STX8: variants seen among roughly 807,000 people sequenced by gnomAD.
STX8 encodes syntaxin-8.
A neutral mutation model predicts 37.5 loss-of-function variants in STX8; 23 were observed. The ratio of observed to expected loss-of-function variants is 0.61; its 90% CI spans 0.44 to 0.87. The LOEUF (loss-of-function observed/expected upper bound fraction) is 0.87. Ranked by LOEUF, STX8 falls within the 40% of genes least tolerant of loss-of-function variation. The probability of loss-of-function intolerance (pLI) is 0.00; values close to 1 mark genes in which losing one functional copy is unlikely to be tolerated. For synonymous variants in STX8, 115 were observed against 99.1 expected (o/e 1.16, Z -0.95); for missense variants, 313 against 284.7 (o/e 1.10, Z -0.71).
chr17:9,430,058 T>TAATATATATATTCTATAG (rs1913886071), intron 6 of STX8, among the ~76,000 whole-genome samples: 2 of 37,602 alleles, frequency 5.3e-5, no homozygotes, highest in African/African-American at 1.9e-4. Context: ...ATATTCTATA[T>TAATATATATATTCTATAG]AATATATATA....
At chr17:9,395,830 T>C (rs1403985665) in intron 6 of STX8, among the ~76,000 whole-genome samples, 2 of 152,172 alleles carry the variant, frequency 1.3e-5, no homozygotes, top group Non-Finnish European at 2.9e-5. Flanking sequence ...TGGAATTGTA[T>C]AGCCAGACAC....
chr17:9,434,116 G>A (rs997261476), intron 6 of STX8, among the ~76,000 whole-genome samples: 3 of 152,130 alleles, frequency 2.0e-5, no homozygotes, highest in African/African-American at 7.2e-5. Context: ...CAATTCTCCT[G>A]CCTCAGCCTC....
At chr17:9,400,839 G>A (rs185066542) in intron 6 of STX8, among the ~76,000 whole-genome samples, 1 of 152,156 alleles carries the variant, frequency 6.6e-6, no homozygotes, top group Non-Finnish European at 1.5e-5. Flanking sequence ...TTCAAGTCTT[G>A]GATCAGAATA....
chr17:9,484,477 T>C (rs1020799114), intron 6 of STX8, among the ~76,000 whole-genome samples: 2 of 151,150 alleles, frequency 1.3e-5, no homozygotes, highest in Non-Finnish European at 2.9e-5. Flanking sequence ...GAACAGTAAT[T>C]GGCAGGAGGG....
Position 9,548,823 on chromosome 17 carries a change from TA to T in STX8, c.213-3542del, listed in dbSNP as rs199661465. 2.8e-4 allele frequency among the ~76,000 whole-genome samples: 43 copies of T among 151,314 alleles called. 1 individual carries two copies. The highest frequency in any genetic ancestry group is 5.9e-4 in the Admixed American group (9 of 15,200). ...AGTGAGTAGTGTGCTCCCACTTTGT[TA>T]AAAAAAAATCCTAACTATATATGTG... On this transcript the variant is annotated intron_variant, in intron 3 of 7. Coordinates refer to ENST00000306357, the MANE Select transcript of STX8 (RefSeq NM_004853.3).
chr17:9,496,748 T>C (rs1239687071), intron 5 of STX8, among the ~76,000 whole-genome samples: 1 of 152,136 alleles, frequency 6.6e-6, no homozygotes, highest in Non-Finnish European at 1.5e-5. Flanking sequence ...GCAGAGAACC[T>C]TTCCCAGCTG....
intron 7 of STX8, among the ~76,000 whole-genome samples, chr17:9,262,707 G>A (rs184095376): frequency 2.0e-4 from 31 of 151,804 alleles, no homozygotes; most frequent in Non-Finnish European, 2.9e-4. Flanking sequence ...TCAGCCTCCC[G>A]AGTAGCTGGG....
intron 7 of STX8, among the ~76,000 whole-genome samples, chr17:9,375,921 GGCTCTAGA>G (rs1272135415): frequency 6.6e-6 from 1 of 152,188 alleles, no homozygotes; most frequent in Admixed American, 6.5e-5. Flanking sequence ...TGTGAGGCCA[GGCTCTAGA>G]GCTCACTCTC....
chr17:9,570,156 A>G (rs1260478159), intron 1 of STX8, among the ~76,000 whole-genome samples: 1 of 152,066 alleles, frequency 6.6e-6, no homozygotes, highest in Non-Finnish European at 1.5e-5. Flanking sequence ...ATTTTTTAAA[A>G]CCTTTCAATT....
intron 6 of STX8, among the ~76,000 whole-genome samples, chr17:9,488,890 G>T (rs1906729324): frequency 6.6e-6 from 1 of 151,890 alleles, no homozygotes; most frequent in South Asian, 2.1e-4. Context: ...GTGTGTGTGT[G>T]TTTTGAGACA....
At chr17:9,477,221 T>C (rs1328795055) in intron 6 of STX8, among the ~76,000 whole-genome samples, 1 of 152,142 alleles carries the variant, frequency 6.6e-6, no homozygotes, top group African/African-American at 2.4e-5. Context: ...AGTGGCCCCA[T>C]TTAAACCTAA....
chr17:9,423,623 C>G (rs541924233), intron 6 of STX8, among the ~76,000 whole-genome samples: 43 of 152,274 alleles, frequency 2.8e-4, no homozygotes, highest in Non-Finnish European at 5.3e-4. Flanking sequence ...CGTGCCCGGC[C>G]AAATGTTATG....
At chr17:9,277,408 G>A (rs1056779142) in intron 7 of STX8, among the ~76,000 whole-genome samples, 1 of 151,352 alleles carries the variant, frequency 6.6e-6, no homozygotes, top group African/African-American at 2.4e-5. Context: ...GTCTCAATGA[G>A]TGAAGGCAGG....
At chr17:9,575,718 T>C (rs1046570066) in intron 1 of STX8, 74 bp downstream of exon 1, 2 of 1,524,548 alleles carry the variant, frequency 1.3e-6, no homozygotes, top group African/African-American at 1.4e-5. Context: ...CAATGCGAAG[T>C]GATTGCCTGC....
chr17:9,408,351 T>C (rs1912868258), intron 6 of STX8, among the ~76,000 whole-genome samples: 1 of 152,134 alleles, frequency 6.6e-6, no homozygotes, highest in African/African-American at 2.4e-5. Flanking sequence ...TCTCCAACTA[T>C]AAATTAGTTA....
chr17:9,546,353 A>G (rs570254997), intron 3 of STX8, among the ~76,000 whole-genome samples: 24 of 151,530 alleles, frequency 1.6e-4, no homozygotes, highest in African/African-American at 4.3e-4. Flanking sequence ...AATAGTCTCT[A>G]ACATCTTTTC....
At chr17:9,355,088 T>G (rs998831767) in intron 7 of STX8, among the ~76,000 whole-genome samples, 2 of 152,156 alleles carry the variant, frequency 1.3e-5, no homozygotes, top group African/African-American at 4.8e-5. Context: ...GCTCTGAAAT[T>G]TCATTATGTT....
At chr17:9,438,340 G>A (rs898514965) in intron 6 of STX8, among the ~76,000 whole-genome samples, 8 of 130,444 alleles carry the variant, frequency 6.1e-5, no homozygotes, top group Non-Finnish European at 1.1e-4. Context: ...CTTAAATATC[G>A]TATAAATGCA....
At chr17:9,360,078 A>G (rs894265855) in intron 7 of STX8, among the ~76,000 whole-genome samples, 5 of 152,060 alleles carry the variant, frequency 3.3e-5, no homozygotes, top group African/African-American at 9.7e-5. Context: ...GGATGGCACA[A>G]TATTTTGAAG....
Sources: gnomAD v4.1 joint callset for allele counts (sites outside exome capture counted in the v4.1 genomes callset) on GRCh38, gnomAD v4.1.1 for gene constraint, MANE v1.5 for transcripts, NCBI Gene and HGNC (gene_info 2026-07-23, HGNC 2026-07-21) for gene names.